The following GPHN variants were observed in gnomAD, a reference collection of about 807,000 sequenced individuals.
GPHN encodes gephyrin.
In GPHN, 17 loss-of-function variants were observed where a neutral mutation model predicts 95.5. That is an observed-to-expected ratio of 0.18 (90% CI 0.12 to 0.27). The LOEUF is 0.27. Ranked by LOEUF, GPHN falls within the 10% of genes least tolerant of loss-of-function variation. The pLI is 1.00. For missense variants in GPHN, 660 were observed against 978.1 expected, an observed-to-expected ratio of 0.67 and a Z score of 4.34; for synonymous variants, 320 against 322.5, an observed-to-expected ratio of 0.99 and a Z score of 0.08.
the GPHN span, among the ~76,000 whole-genome samples, chr14:67,287,217 TCAAAAA>T: frequency 2.0e-5 from 3 of 151,428 alleles, no homozygotes; most frequent in Non-Finnish European, 4.4e-5. Context: ...AAACCCTATC[TCAAAAA>T]CAAAAACAAA....
intron 3 of GPHN, among the ~76,000 whole-genome samples, chr14:66,802,966 G>A (rs545372836): frequency 1.6e-4 from 24 of 152,178 alleles, no homozygotes; most frequent in Middle Eastern, 3.4e-3. Context: ...TCAGTAGGTC[G>A]CTTCCCTCTC....
At chr14:66,567,120 C>T (rs2060492941) in intron 1 of GPHN, among the ~76,000 whole-genome samples, 1 of 152,130 alleles carries the variant, frequency 6.6e-6, no homozygotes, top group African/African-American at 2.4e-5. Flanking sequence ...GCATGGATGG[C>T]ATCCAGTCCC....
the GPHN span, chr14:67,199,425 C>T: frequency 6.2e-7 from 1 of 1,613,400 alleles, no homozygotes; most frequent in Non-Finnish European, 8.5e-7. Context: ...ACTTTCAGCG[C>T]CTTTGGGGTC....
the GPHN span, chr14:67,340,544 T>C: frequency 6.4e-7 from 1 of 1,568,530 alleles, no homozygotes; most frequent in Non-Finnish European, 8.8e-7. Context: ...AAATAATATG[T>C]GTGAGAACTT....
downstream of GPHN, among the ~76,000 whole-genome samples, chr14:67,185,329 A>T (rs911736406): frequency 1.3e-5 from 2 of 152,328 alleles, no homozygotes; most frequent in East Asian, 3.9e-4. Flanking sequence ...CTGGGAAAGA[A>T]AAGGGGCATT....
At position 66,805,608 on chromosome 14, in the gene GPHN, A is replaced by T. The variant is rs573726841; in HGVS notation, c.202-18866A>T. Among the ~76,000 whole-genome samples, 6 of 152,306 alleles carry T rather than the reference A, an allele frequency of 3.9e-5. 2 individuals carry two copies. The highest frequency in any genetic ancestry group is 1.4e-4 in the African/African-American group (6 of 41,566). On this transcript the variant is annotated intron_variant, in intron 3 of 22. Transcript: ENST00000478722. ...TATTGGGTAAATATACACATTCCAAATGGGGAAAATTGGCCAAAAGAAAGG... is the reference window on the plus strand; with the variant it reads ...TATTGGGTAAATATACACATTCCAATTGGGGAAAATTGGCCAAAAGAAAGG...
chr14:67,003,399 G>GGAAT (rs1434834584), intron 9 of GPHN, among the ~76,000 whole-genome samples: 1 of 151,634 alleles, frequency 6.6e-6, no homozygotes, highest in East Asian at 1.9e-4. Context: ...GATTAATGTA[G>GGAAT]GAATCTATCT....
intron 19 of GPHN, among the ~76,000 whole-genome samples, chr14:67,162,642 C>T (rs192700414): frequency 6.6e-6 from 1 of 152,334 alleles, no homozygotes; most frequent in African/African-American, 2.4e-5. Context: ...TTGCATCACA[C>T]ACTAATAATC....
the GPHN span, chr14:67,593,116 C>A: frequency 1.8e-5 from 3 of 169,434 alleles, no homozygotes; most frequent in South Asian, 4.4e-4. Flanking sequence ...GAAGGCTCAA[C>A]ACTTTTTCAC....
intron 8 of GPHN, among the ~76,000 whole-genome samples, chr14:66,945,573 A>G (rs940487526): frequency 2.0e-5 from 3 of 152,188 alleles, no homozygotes; most frequent in African/African-American, 7.2e-5. Context: ...AATCACTACT[A>G]AAGAAAGTAT....
At chr14:67,198,463 A>G in the GPHN span, 1 of 739,250 alleles carries the variant, frequency 1.4e-6, no homozygotes, top group Non-Finnish European at 2.1e-6. Flanking sequence ...TGGGAACTTT[A>G]AAAAACCTGA....
the GPHN span, among the ~76,000 whole-genome samples, chr14:67,675,027 GTA>G: frequency 5.3e-5 from 8 of 152,226 alleles, no homozygotes; most frequent in African/African-American, 1.9e-4. Flanking sequence ...CCGATTTGAT[GTA>G]TGTTTGCGTC....
intron 17 of GPHN, among the ~76,000 whole-genome samples, chr14:67,130,921 G>C (rs1030562987): frequency 3.3e-5 from 5 of 152,072 alleles, no homozygotes; most frequent in African/African-American, 1.2e-4. Flanking sequence ...GTCTTCTTTT[G>C]AGAAGTGTCT....
chr14:67,445,385 G>A, the GPHN span, among the ~76,000 whole-genome samples: 1 of 151,940 alleles, frequency 6.6e-6, no homozygotes, highest in Non-Finnish European at 1.5e-5. Flanking sequence ...GGTAGATAGT[G>A]TCAGAATGGA....
the GPHN span, chr14:67,577,899 C>T: frequency 1.3e-6 from 1 of 783,788 alleles, no homozygotes; most frequent in Non-Finnish European, 2.0e-6. Context: ...AGCAGTGCTC[C>T]CTCTTAGAAA....
At chr14:67,616,828 A>G in the GPHN span, 20 of 152,074 alleles carry the variant, frequency 1.3e-4, no homozygotes, top group Admixed American at 3.9e-4. Context: ...AATTTTGTTC[A>G]TGAAACAAAG....
chr14:67,310,432 G>T, the GPHN span, among the ~76,000 whole-genome samples: 6 of 152,220 alleles, frequency 3.9e-5, no homozygotes, highest in African/African-American at 1.4e-4. Context: ...TAGAAATCAG[G>T]ATGATGTTTA....
At chr14:67,573,477 C>T in the GPHN span, 18 of 883,662 alleles carry the variant, frequency 2.0e-5, no homozygotes, top group Admixed American at 1.1e-4. The surrounding 1 kb of genome is among the most constrained non-coding windows in gnomAD (Gnocchi z 4.8). Flanking sequence ...GGGAATGTGG[C>T]CCAAGGCCAG....
chr14:67,416,179 T>C, the GPHN span, among the ~76,000 whole-genome samples: 3 of 152,348 alleles, frequency 2.0e-5, no homozygotes, highest in Non-Finnish European at 4.4e-5. Flanking sequence ...TATTTGCTTA[T>C]TTATTTTTTA....
Sources: allele counts gnomAD v4.1 joint callset (sites outside exome capture counted in the v4.1 genomes callset), GRCh38; gene constraint gnomAD v4.1.1; non-coding constraint Gnocchi (gnomAD v3.1); transcripts MANE v1.5; gene names NCBI Gene and HGNC (gene_info 2026-07-23, HGNC 2026-07-21).